The following FREM2 variants were observed in gnomAD, a reference collection of about 807,000 sequenced individuals.
The protein encoded by FREM2 is FRAS1-related extracellular matrix protein 2.
Under a neutral mutation model 219.9 loss-of-function variants are expected in FREM2, and 119 were observed. The observed-to-expected ratio is 0.54, with a 90% CI of 0.47 to 0.63. FREM2 has a LOEUF of 0.63. Among genes scored for constraint, FREM2 ranks in the 30% least tolerant of loss-of-function variants. The pLI is 0.00. For missense variants in FREM2, 4,030 were observed against 3,993.6 expected (o/e 1.01, Z -0.25); for synonymous variants, 1,562 against 1,522.8 (o/e 1.03, Z -0.60).
At chr13:38,725,446 C>A (rs991612176) in intron 2 of FREM2, among the ~76,000 whole-genome samples, 5 of 152,170 alleles carry the variant, frequency 3.3e-5, no homozygotes, top group Non-Finnish European at 7.3e-5. Context: ...CTATCCAAAG[C>A]ATGGTCAAAG....
intron 4 of FREM2, among the ~76,000 whole-genome samples, chr13:38,779,776 A>T (rs1038922306): frequency 1.3e-5 from 2 of 152,202 alleles, no homozygotes; most frequent in Admixed American, 6.6e-5. Flanking sequence ...ACTTTTGGTG[A>T]CATCCATTTG....
At chr13:38,704,941 G>A (rs73459822) in intron 2 of FREM2, among the ~76,000 whole-genome samples, 5,126 of 152,138 alleles carry the variant, frequency 0.034, 318 homozygotes, top group African/African-American at 0.12. Context: ...ACCGCATGGG[G>A]GAACCGCCAC....
intron 12 of FREM2, among the ~76,000 whole-genome samples, chr13:38,857,249 C>T (rs1177301166): frequency 6.6e-6 from 1 of 152,084 alleles, no homozygotes; most frequent in Non-Finnish European, 1.5e-5. Flanking sequence ...GCTATGTAGT[C>T]AGATGTTGGA....
intron 6 of FREM2, among the ~76,000 whole-genome samples, chr13:38,809,514 G>C (rs1054626743): frequency 1.3e-5 from 2 of 151,986 alleles, no homozygotes; most frequent in Non-Finnish European, 2.9e-5. Context: ...TAAGGCGAGA[G>C]ATAGGGATTA....
intron 3 of FREM2, among the ~76,000 whole-genome samples, chr13:38,765,006 G>A (rs9548448): frequency 0.31 from 47,247 of 151,918 alleles, 7,589 homozygotes; most frequent in Middle Eastern, 0.44. Context: ...CGCCTCCCAG[G>A]TTCACGCCAT....
chr13:38,835,351 G>A, intron 6 of FREM2, among the ~76,000 whole-genome samples: 1 of 152,026 alleles, frequency 6.6e-6, no homozygotes, highest in East Asian at 1.9e-4. Context: ...GTTGCCATAG[G>A]CTTGTAGTAT....
rs1878522681 is a variant in FREM2 at position 38,880,858 on chromosome 13, C to T, written c.*71C>T. 3 of 1,539,564 alleles carry T rather than the reference C, an allele frequency of 1.9e-6. No individual in the cohort carries two copies. The highest frequency in any genetic ancestry group is 2.7e-5 in the African/African-American group (2 of 73,304). On this transcript the variant is annotated 3_prime_UTR_variant, in exon 24 of 24. Transcript: ENST00000280481. ...GATCACAATGGAACCTTAAATACTT[C>T]TGGTAAACCATAGAGAATGGAGGAT...
Position 38,691,714 on chromosome 13 carries a change from T to C in FREM2, c.4370T>C (p.Val1457Ala), listed in dbSNP as rs761135007. ...SDLNSPDENLVFTITRAPMRG... is the reference protein window; with the variant it reads ...SDLNSPDENLAFTITRAPMRG... The stretch of plus-strand genomic sequence containing the variant: ...TTGAACAGTCCTGATGAAAACTTGG[T>C]TTTTACCATCACCAGGGCTCCCATG... The change falls in exon 1 of 24, where the codon GTT becomes GCT. Residue 1457 changes from valine to alanine, a missense_variant. By Grantham distance (64) the Val-to-Ala change is moderately conservative (BLOSUM62 0). Around this residue, in one of 2 missense-constraint regions of FREM2, gnomAD observed 3,102 missense variants for 2,950.7 expected, o/e 1.05. Coordinates refer to ENST00000280481, the MANE Select transcript of FREM2 (RefSeq NM_207361.6). 2 of 1,613,534 alleles carry C rather than the reference T, an allele frequency of 1.2e-6. No individual in the cohort carries two copies. The highest frequency in any genetic ancestry group is 1.7e-5 in the Admixed American group (1 of 60,002).
At chr13:38,775,617 C>G (rs1329314737) in intron 4 of FREM2, among the ~76,000 whole-genome samples, 2 of 152,070 alleles carry the variant, frequency 1.3e-5, no homozygotes, top group African/African-American at 4.8e-5. Context: ...GAAAGATTCA[C>G]TTTATTTACT....
chr13:38,739,249 GA>G (rs894631633), intron 2 of FREM2, among the ~76,000 whole-genome samples: 1 of 152,126 alleles, frequency 6.6e-6, no homozygotes, highest in African/African-American at 2.4e-5. Flanking sequence ...GAAAATATTG[GA>G]AAAAGATAAA....
At chr13:38,776,729 A>G (rs181872899) in intron 4 of FREM2, among the ~76,000 whole-genome samples, 1 of 152,254 alleles carries the variant, frequency 6.6e-6, no homozygotes, top group Admixed American at 6.5e-5. Flanking sequence ...GTGAAGGGAT[A>G]TATGGGAACC....
chr13:38,693,228 A>T (rs1396379375), intron 1 of FREM2, among the ~76,000 whole-genome samples: 1 of 152,232 alleles, frequency 6.6e-6, no homozygotes, highest in African/African-American at 2.4e-5. Context: ...GTAAAATAAC[A>T]ATATGTTCAT....
intron 2 of FREM2, among the ~76,000 whole-genome samples, chr13:38,759,363 G>T (rs577423271): frequency 6.2e-4 from 92 of 149,566 alleles, no homozygotes; most frequent in African/African-American, 2.0e-3. Context: ...TCATATTATT[G>T]AAGATTAAAT....
intron 8 of FREM2, among the ~76,000 whole-genome samples, chr13:38,849,551 G>T (rs1877293352): frequency 6.6e-6 from 1 of 152,162 alleles, no homozygotes; most frequent in Non-Finnish European, 1.5e-5. Flanking sequence ...CAATCATGAT[G>T]ATTTCAACAG....
At chr13:38,808,993 A>G (rs1426694668) in intron 6 of FREM2, among the ~76,000 whole-genome samples, 2 of 151,858 alleles carry the variant, frequency 1.3e-5, no homozygotes, top group South Asian at 2.1e-4. Flanking sequence ...GCTTTTCTCC[A>G]TCTCTTCTCC....
chr13:38,696,532 G>A (rs1870112221), intron 1 of FREM2, among the ~76,000 whole-genome samples: 1 of 152,104 alleles, frequency 6.6e-6, no homozygotes, highest in Non-Finnish European at 1.5e-5. Flanking sequence ...GCTATTTTTA[G>A]CCATGATCTT....
chr13:38,707,219 A>G (rs1870577524), intron 2 of FREM2, among the ~76,000 whole-genome samples: 1 of 152,230 alleles, frequency 6.6e-6, no homozygotes, highest in Non-Finnish European at 1.5e-5. Flanking sequence ...TAGAATTCTT[A>G]CATTTTTAGG....
intron 2 of FREM2, among the ~76,000 whole-genome samples, chr13:38,748,573 C>T (rs1228796620): frequency 1.3e-5 from 2 of 152,170 alleles, no homozygotes; most frequent in Non-Finnish European, 2.9e-5. Flanking sequence ...CACAGGTTCC[C>T]TGCTGAAATG....
intron 2 of FREM2, among the ~76,000 whole-genome samples, chr13:38,717,196 G>T (rs532793498): frequency 2.6e-5 from 4 of 152,092 alleles, no homozygotes; most frequent in Non-Finnish European, 5.9e-5. Flanking sequence ...GGGAACAAAA[G>T]GGAGATGGGA....
Sources: allele counts gnomAD v4.1 joint callset (sites outside exome capture counted in the v4.1 genomes callset), GRCh38; gene constraint gnomAD v4.1.1; regional missense constraint gnomAD v4.1.1; transcripts MANE v1.5; gene names NCBI Gene and HGNC (gene_info 2026-07-23, HGNC 2026-07-21).